IGSF21: variants seen among roughly 807,000 people sequenced by gnomAD.
IGSF21 encodes immunoglobulin superfamily member 21.
In IGSF21, 28 loss-of-function variants were observed where a neutral mutation model predicts 46.8. The ratio of observed to expected loss-of-function variants is 0.60; its 90% confidence interval spans 0.44 to 0.82. IGSF21 has a LOEUF of 0.82. IGSF21 is among the 40% of genes least tolerant of loss of function. IGSF21 has a pLI of 0.00. For synonymous variants in IGSF21, 284 were observed against 273.6 expected (o/e 1.04, Z -0.38); for missense variants, 624 against 665.5 (o/e 0.94, Z 0.69).
At chr1:18,273,816 G>A (rs1343607449) in intron 2 of IGSF21, among the ~76,000 whole-genome samples, 1 of 152,002 alleles carries the variant, frequency 6.6e-6, no homozygotes, top group Non-Finnish European at 1.5e-5. Flanking sequence ...GGGAAAACAT[G>A]AGCACAGCTC....
At chr1:18,228,067 C>A in intron 2 of IGSF21, 57 bp downstream of exon 2, 1 of 1,339,842 alleles carries the variant, frequency 7.5e-7, no homozygotes. Context: ...GTGAGGTCCT[C>A]AGAGCCCTCT....
rs995062466 is a variant in IGSF21, at chr1:18,335,605, C to G, written c.424+595C>G. 6.6e-6 allele frequency among the ~76,000 whole-genome samples: 1 copy of G among 152,188 alleles called. No homozygotes were observed. The highest frequency in any genetic ancestry group is 1.5e-5 in the Non-Finnish European group (1 of 68,034). ...TGCTGCTCTGCACGTTCTCAGAAGC[C>G]CCCACTGGCTCTAATGTTCTTGTCA... On this transcript the variant is annotated intron_variant, in intron 4 of 9. Coordinates refer to ENST00000251296, the MANE Select transcript of IGSF21 (RefSeq NM_032880.5). This position sits in a 1 kb window ranked among gnomAD's most constrained non-coding sequence, Gnocchi z 4.8.
chr1:18,129,872 C>A (rs2124415510), intron 1 of IGSF21, among the ~76,000 whole-genome samples: 1 of 152,278 alleles, frequency 6.6e-6, no homozygotes, highest in Admixed American at 6.5e-5. Flanking sequence ...GTGAGTCTGG[C>A]CCCTCTTGCC....
chr1:18,284,631 G>A (rs796469736), intron 2 of IGSF21, among the ~76,000 whole-genome samples: 4 of 152,336 alleles, frequency 2.6e-5, no homozygotes, highest in African/African-American at 9.6e-5. Context: ...GAAACAATCA[G>A]TGACTTGCCT....
chr1:18,224,195 C>A (rs917226592), intron 1 of IGSF21, among the ~76,000 whole-genome samples: 4 of 152,164 alleles, frequency 2.6e-5, no homozygotes, highest in African/African-American at 9.7e-5. Flanking sequence ...ATTCCTGGCT[C>A]AGGTTCTACA....
chr1:18,163,306 T>C (rs987810787), intron 1 of IGSF21, among the ~76,000 whole-genome samples: 1 of 149,762 alleles, frequency 6.7e-6, no homozygotes, highest in African/African-American at 2.5e-5. Flanking sequence ...TTGGTGGTGG[T>C]GTTAATGTCG....
intron 3 of IGSF21, among the ~76,000 whole-genome samples, chr1:18,321,479 T>C (rs2085600668): frequency 6.6e-6 from 1 of 152,168 alleles, no homozygotes; most frequent in South Asian, 2.1e-4. Flanking sequence ...AAAGCTGTAA[T>C]AAAATACCAT....
rs576749506 is a variant in IGSF21 at position 18,282,639 on chromosome 1, C to T, written c.184-9227C>T. On this transcript the variant is annotated intron_variant, in intron 2 of 9. Coordinates refer to ENST00000251296, the MANE Select transcript of IGSF21 (RefSeq NM_032880.5). ...CCAAAAACTCATCCCCTTACATACA[C>T]ACACACACACACACACACACACACA... Among the ~76,000 whole-genome samples, 6 of 138,448 alleles carry T rather than the reference C, an allele frequency of 4.3e-5. No individual in the cohort carries two copies. The South Asian group carries it at 8.5e-4, about 20-fold the overall frequency. The allele number at this position is 138,448 out of a possible 152,430, so 90.8% of individuals were successfully genotyped here. A position where few individuals can be genotyped will look rare whatever the true frequency, so the allele number is the denominator to read the frequency against.
At position 18,290,279 on chromosome 1, in the gene IGSF21, C is replaced by G. The variant is rs1012964600; in HGVS notation, c.184-1587C>G. On this transcript the variant is annotated intron_variant, in intron 2 of 9. Coordinates refer to ENST00000251296, the MANE Select transcript of IGSF21 (RefSeq NM_032880.5). The surrounding 1 kb of genome is among the most constrained non-coding windows in gnomAD (Gnocchi z 4.2). ...GTGGGAGGAAGTGGTCCTCTGTCTC[C>G]CCTCTGCACATGGTCAGAAAGCGCC... is the stretch of plus-strand genomic sequence containing the variant. Among the ~76,000 whole-genome samples the G allele has an allele frequency of 1.3e-5, 2 of 152,166 alleles. No homozygotes were observed. The highest frequency in any genetic ancestry group is 2.9e-5 in the Non-Finnish European group (2 of 68,022).
chr1:18,173,267 G>A (rs1356969960), intron 1 of IGSF21, among the ~76,000 whole-genome samples: 4 of 152,196 alleles, frequency 2.6e-5, no homozygotes, highest in Admixed American at 6.5e-5. Flanking sequence ...CAGCCTCAGC[G>A]ACAGGCAAGA....
chr1:18,172,492 C>A (rs72655132), intron 1 of IGSF21, among the ~76,000 whole-genome samples: 1 of 152,162 alleles, frequency 6.6e-6, no homozygotes, highest in Non-Finnish European at 1.5e-5. Context: ...CCAGCAGGGT[C>A]GGGTTCTGGG....
chr1:18,191,273 C>T lies in IGSF21; in HGVS notation c.71-36625C>T, dbSNP rs185042786. Among the ~76,000 whole-genome samples the T allele has an allele frequency of 6.6e-5, 10 of 152,236 alleles. No individual in the cohort carries two copies. The East Asian group carries it at 7.7e-4, about 12-fold the overall frequency. On this transcript the variant is annotated intron_variant, in intron 1 of 9. Transcript: ENST00000251296. ...AGTGTCCAATAGGAATAATAGTGCC[C>T]GTCTCACCAGGTTACTATGGGGATC...
rs80303981 is a variant in IGSF21, at chr1:18,318,180, T to C, written c.306-16712T>C. Among the ~76,000 whole-genome samples the C allele has an allele frequency of 9.2e-5, 14 of 152,300 alleles. No homozygotes were observed. In the East Asian group the frequency reaches 2.7e-3, roughly 29 times the overall value. ...CAGCCATTGGCATTTCCTGAGCCAG[T>C]GTAACTGTTAAATGATGCAGCTGTG... On this transcript the variant is annotated intron_variant, in intron 3 of 9. Coordinates refer to ENST00000251296, the MANE Select transcript of IGSF21 (RefSeq NM_032880.5).
At chr1:18,376,127 G>T in intron 6 of IGSF21, 183 bp from the exon 7 acceptor site, 1 of 626,476 alleles carries the variant, frequency 1.6e-6, no homozygotes, top group Non-Finnish European at 3.0e-6. Flanking sequence ...TCATTGCATG[G>T]GCTTAGGGAA....
At chr1:18,177,748 T>C (rs2086816879) in intron 1 of IGSF21, among the ~76,000 whole-genome samples, 2 of 151,964 alleles carry the variant, frequency 1.3e-5, no homozygotes, top group Non-Finnish European at 2.9e-5. Flanking sequence ...GTGGGTGTGT[T>C]TGGGTGATTG....
chr1:18,127,712 G>A (rs2086285377), intron 1 of IGSF21, among the ~76,000 whole-genome samples: 1 of 152,114 alleles, frequency 6.6e-6, no homozygotes, highest in African/African-American at 2.4e-5. Flanking sequence ...AGACCAGCCT[G>A]GGAAACATGG....
At chr1:18,374,862 T>C (rs1451149150) in intron 6 of IGSF21, among the ~76,000 whole-genome samples, 1 of 152,048 alleles carries the variant, frequency 6.6e-6, no homozygotes, top group Non-Finnish European at 1.5e-5. Context: ...TTTCCACCCT[T>C]AGAAGATGTT....
intron 2 of IGSF21, among the ~76,000 whole-genome samples, chr1:18,228,453 C>G (rs1368501740): frequency 2.0e-5 from 3 of 152,200 alleles, no homozygotes; most frequent in Non-Finnish European, 2.9e-5. Context: ...CCTAATCTGA[C>G]TACGTATAGG....
intron 2 of IGSF21, among the ~76,000 whole-genome samples, chr1:18,279,478 A>G (rs2085137290): frequency 6.6e-6 from 1 of 152,128 alleles, no homozygotes; most frequent in Admixed American, 6.6e-5. Flanking sequence ...GAATTTGCCT[A>G]GTGTTAACGC....
Sources: gnomAD v4.1 joint callset for allele counts (sites outside exome capture counted in the v4.1 genomes callset) on GRCh38, gnomAD v4.1.1 for gene constraint, Gnocchi (gnomAD v3.1) non-coding constraint, MANE v1.5 for transcripts, NCBI Gene and HGNC (gene_info 2026-07-23, HGNC 2026-07-21) for gene names.